The following MTNR1B variants were observed in gnomAD, a reference collection of about 807,000 sequenced individuals.
MTNR1B encodes melatonin receptor type 1B.
A neutral mutation model predicts 7.0 loss-of-function variants in MTNR1B; 7 were observed. The observed-to-expected ratio is 1.00, with a 90% CI of 0.57 to 1.88. MTNR1B has a LOEUF of 1.88. Ranked by LOEUF, MTNR1B falls within the 40% of genes most tolerant of loss-of-function variation. The probability of loss-of-function intolerance (pLI) is 0.00; values close to 1 mark genes in which losing one functional copy is unlikely to be tolerated. For missense variants in MTNR1B, 478 were observed against 486.5 expected (o/e 0.98, Z 0.16); for synonymous variants, 226 against 208.2 (o/e 1.09, Z -0.74).
Position 92,976,720 on chromosome 11 carries a change from C to G in MTNR1B, c.224-4727C>G, listed in dbSNP as rs143101522. Among the ~76,000 whole-genome samples, 16 of 152,308 alleles carry G rather than the reference C, an allele frequency of 1.1e-4. No individual in the cohort carries two copies. The East Asian group carries it at 2.5e-3, about 24-fold the overall frequency. Reference sequence around the variant, plus strand: ...CCAAGTCCAATGAGCACTTTTCTGTCCTTTCTCACTTTTGTAGATGACCAA... The same window carrying G: ...CCAAGTCCAATGAGCACTTTTCTGTGCTTTCTCACTTTTGTAGATGACCAA... On this transcript the variant is annotated intron_variant, in intron 1 of 1. Coordinates refer to ENST00000257068, the MANE Select transcript of MTNR1B (RefSeq NM_005959.5).
intron 1 of MTNR1B, among the ~76,000 whole-genome samples, chr11:92,975,302 T>A (rs1450968185): frequency 6.6e-6 from 1 of 152,216 alleles, no homozygotes; most frequent in African/African-American, 2.4e-5. Context: ...TGGATTTTTG[T>A]GCTGCAAATG....
intron 1 of MTNR1B, among the ~76,000 whole-genome samples, chr11:92,978,876 G>A (rs1313830801): frequency 6.6e-6 from 1 of 152,192 alleles, no homozygotes; most frequent in East Asian, 1.9e-4. Flanking sequence ...TGCCTTCACA[G>A]GGAAACAGCT....
In MTNR1B at chr11:92,969,690, G is replaced by A. The variant is rs568717464; in HGVS notation, c.-36G>A. On this transcript the variant is annotated 5_prime_UTR_variant, in exon 1 of 2. Coordinates refer to ENST00000257068, the MANE Select transcript of MTNR1B (RefSeq NM_005959.5). ...GCGCGCCCTGCGGCTGTCCGGGGCC[G>A]CGCGGTGGCCAAAGCACAGCGCGGG... The A allele has an allele frequency of 1.4e-5, 19 of 1,401,894 alleles. No homozygotes were observed. The Middle Eastern group carries it at 8.2e-4, about 60-fold the overall frequency. 86.8% of individuals were successfully genotyped at this position (1,401,894 alleles called of 1,614,324 possible). A position where few individuals can be genotyped will look rare whatever the true frequency, so the allele number is the denominator to read the frequency against.
chr11:92,972,061 G>A (rs1433554389), intron 1 of MTNR1B, among the ~76,000 whole-genome samples: 1 of 152,184 alleles, frequency 6.6e-6, no homozygotes, highest in African/African-American at 2.4e-5. Context: ...GTACTGACTT[G>A]AACTAAATGA....
At chr11:92,982,948 CACA>C (rs1389782201), downstream of MTNR1B, among the ~76,000 whole-genome samples, 24 of 49,608 alleles carry the variant, frequency 4.8e-4, 1 homozygote, top group African/African-American at 2.1e-3. Context: ...CCCCCCCCCC[CACA>C]CACACACACA....
Position 92,982,333 on chromosome 11 carries a change from G to A in MTNR1B, c.*21G>A. 1.3e-6 allele frequency: 2 copies of A among 1,595,470 alleles called. No individual in the cohort carries two copies. Among genetic ancestry groups the A allele is most frequent in the Non-Finnish European group, 1.7e-6 (2 of 1,172,640 alleles). On this transcript the variant is annotated 3_prime_UTR_variant, in exon 2 of 2. Coordinates refer to ENST00000257068, the MANE Select transcript of MTNR1B (RefSeq NM_005959.5). ...TCTAGCCTGGATCTGAGGCACACCA[G>A]CAGCATGACAAACTCATGAAATGGT...
intron 1 of MTNR1B, among the ~76,000 whole-genome samples, chr11:92,979,603 CA>C (rs1858065399): frequency 6.6e-6 from 1 of 152,216 alleles, no homozygotes; most frequent in Non-Finnish European, 1.5e-5. Context: ...CTCACTACCT[CA>C]CAAGCGCTCT....
Position 92,982,183 on chromosome 11 carries a change from G to A in MTNR1B, c.960G>A (p.Lys320=), listed in dbSNP as rs1366143181. ...ACCAAAACTTCCGCAGGGAATACAA[G>A]AGGATCCTCTTGGCCCTTTGGAACC... is the stretch of plus-strand genomic sequence containing the variant. ...LLNQNFRREY[K]RILLALWNPR... The change falls in exon 2 of 2, where the codon AAG becomes AAA. Residue 320 remains lysine, a synonymous_variant. Coordinates refer to ENST00000257068, the MANE Select transcript of MTNR1B (RefSeq NM_005959.5). 3 of 1,614,098 alleles carry A rather than the reference G, an allele frequency of 1.9e-6. No individual in the cohort carries two copies. Among genetic ancestry groups the A allele is most frequent in the African/African-American group, 2.7e-5 (2 of 74,938 alleles).
At chr11:92,977,304 T>C (rs1484928287) in intron 1 of MTNR1B, among the ~76,000 whole-genome samples, 1 of 152,214 alleles carries the variant, frequency 6.6e-6, no homozygotes, top group East Asian at 1.9e-4. Context: ...ATATCTGCTC[T>C]CAAGAGATTT....
rs866115748 is a variant in MTNR1B at position 92,982,085 on chromosome 11, G to A, written c.862G>A (p.Gly288Arg). Reference protein sequence around the residue: ...PQEMAPQIPEGLFVTSYLLAY... With the variant: ...PQEMAPQIPERLFVTSYLLAY... ...AGAAATGGCTCCCCAGATCCCTGAG[G>A]GGCTATTTGTCACTAGCTACTTACT... The change falls in exon 2 of 2, where the codon GGG (glycine) becomes AGG (arginine). Residue 288 changes from glycine to arginine, a missense_variant. Gly to Arg is a moderately radical substitution (Grantham distance 125). Coordinates refer to ENST00000257068, the MANE Select transcript of MTNR1B (RefSeq NM_005959.5). The A allele has an allele frequency of 1.9e-6, 3 of 1,614,182 alleles. No individual in the cohort carries two copies. The highest frequency in any genetic ancestry group is 2.2e-5 in the East Asian group (1 of 44,862).
At chr11:92,971,907 G>A (rs780764231) in intron 1 of MTNR1B, among the ~76,000 whole-genome samples, 1 of 151,996 alleles carries the variant, frequency 6.6e-6, no homozygotes, top group Non-Finnish European at 1.5e-5. Context: ...TGATGTGTCC[G>A]CTACAGCCCA....
intron 1 of MTNR1B, among the ~76,000 whole-genome samples, chr11:92,975,210 A>G (rs577918131): frequency 1.3e-5 from 2 of 152,338 alleles, no homozygotes; most frequent in Admixed American, 6.5e-5. Flanking sequence ...AGAGGAAGTC[A>G]TAACAACACC....
downstream of MTNR1B, among the ~76,000 whole-genome samples, chr11:92,983,051 G>A (rs1858145183): frequency 6.6e-6 from 1 of 151,176 alleles, no homozygotes; most frequent in African/African-American, 2.4e-5. Flanking sequence ...CTTGGGGAAA[G>A]TCTCCTAACC....
chr11:92,969,763 C>T lies in MTNR1B; in HGVS notation c.38C>T (p.Ala13Val), dbSNP rs377415898. 1,683 of 1,511,558 alleles carry T rather than the reference C, an allele frequency of 1.1e-3. 30 individuals carry two copies. The South Asian group carries it at 0.02, about 18-fold the overall frequency. The allele number at this position is 1,511,558 out of a possible 1,614,324, so 93.6% of individuals were successfully genotyped here. Residue 13 changes from alanine to valine, a missense_variant, in exon 1 of 2, where the codon GCG (alanine) becomes GTG (valine). Physicochemically the swap from Ala to Val is moderately conservative, Grantham distance 64 (BLOSUM62 0). Transcript: ENST00000257068. The stretch of plus-strand genomic sequence containing the variant: ...GGCTCCTTCGCCAACTGCTGCGAGG[C>T]GGGCGGGTGGGCAGTGCGCCCGGGC... ...ENGSFANCCE[A>V]GGWAVRPGWS...
chr11:92,970,016 C>G, intron 1 of MTNR1B, 68 bp downstream of exon 1: 2 of 1,423,078 alleles, frequency 1.4e-6, no homozygotes, highest in Non-Finnish European at 1.9e-6. Context: ...TTGTCCCTGA[C>G]CCCGGGATAT....
intron 1 of MTNR1B, among the ~76,000 whole-genome samples, chr11:92,980,280 C>T (rs574452775): frequency 6.6e-6 from 1 of 152,346 alleles, no homozygotes; most frequent in African/African-American, 2.4e-5. Flanking sequence ...GCCCAGTGCA[C>T]ATTGCATCAC....
In MTNR1B at chr11:92,969,767, CG is replaced by C; in HGVS notation, c.45del (p.Trp16GlyfsTer46). ...CCTTCGCCAACTGCTGCGAGGCGGG[CG>C]GGTGGGCAGTGCGCCCGGGCTGGTC... The part of the protein sequence containing the change: ...GSFANCCEAG[G>X]WAVRPGWSGA... On this transcript the variant is annotated frameshift_variant, in exon 1 of 2. Transcript: ENST00000257068. LOFTEE classifies it high-confidence loss of function. 6.6e-7 allele frequency: 1 copy of C among 1,517,478 alleles called. No homozygotes were observed. Among genetic ancestry groups the C allele is most frequent in the Non-Finnish European group, 8.8e-7 (1 of 1,130,772 alleles). The allele number at this position is 1,517,478 out of a possible 1,614,324, so 94.0% of individuals were successfully genotyped here.
At chr11:92,984,043 G>A (rs76231066), downstream of MTNR1B, among the ~76,000 whole-genome samples, 2,690 of 152,198 alleles carry the variant, frequency 0.018, 82 homozygotes, top group African/African-American at 0.062. Flanking sequence ...ATCCCACCTC[G>A]GAATATGTGG....
chr11:92,969,807 G>A lies in MTNR1B; in HGVS notation c.82G>A (p.Ala28Thr), dbSNP rs763233986. 2 of 1,567,588 alleles carry A rather than the reference G, an allele frequency of 1.3e-6. No individual in the cohort carries two copies. Among genetic ancestry groups the A allele is most frequent in the South Asian group, 1.2e-5 (1 of 86,106 alleles). ...CCCGGGCTGGTCGGGGGCTGGCAGCGCGCGGCCCTCCAGGACCCCTCGACC... is the reference window on the plus strand; with the variant it reads ...CCCGGGCTGGTCGGGGGCTGGCAGCACGCGGCCCTCCAGGACCCCTCGACC... ...VRPGWSGAGS[A>T]RPSRTPRPPW... The change falls in exon 1 of 2, where the codon GCG becomes ACG. Residue 28 changes from alanine to threonine, a missense_variant. Ala to Thr is a moderately conservative substitution (Grantham distance 58). Transcript: ENST00000257068.
Sources: allele counts gnomAD v4.1 joint callset (sites outside exome capture counted in the v4.1 genomes callset), GRCh38; gene constraint gnomAD v4.1.1; transcripts MANE v1.5; gene names NCBI Gene and HGNC (gene_info 2026-07-23, HGNC 2026-07-21).